Variants in WDR4 observed in about 807,000 individuals in gnomAD.
The protein encoded by WDR4 is tRNA (guanine-N(7)-)-methyltransferase non-catalytic subunit WDR4.
Under a neutral mutation model 48.6 loss-of-function variants are expected in WDR4, and 47 were observed. The observed-to-expected ratio is 0.97, with a 90% CI of 0.77 to 1.23. The LOEUF (loss-of-function observed/expected upper bound fraction) is 1.23, where lower values mean the gene tolerates loss of function less well. Among genes scored for constraint, WDR4 ranks in the 50% most tolerant of loss-of-function variants. The probability of loss-of-function intolerance (pLI) is 0.00; values close to 1 mark genes in which losing one functional copy is unlikely to be tolerated. For synonymous variants in WDR4, 268 were observed against 230.0 expected (o/e 1.17, Z -1.49); for missense variants, 606 against 551.6 (o/e 1.10, Z -0.99).
intron 4 of WDR4, among the ~76,000 whole-genome samples, chr21:42,863,174 C>G (rs978839970): frequency 1.3e-5 from 2 of 152,200 alleles, no homozygotes; most frequent in African/African-American, 4.8e-5. Context: ...TCCCACCACT[C>G]CCCTGCTCCC....
At chr21:42,879,129 G>A (rs1164960522) in intron 1 of WDR4, 2 of 1,226,698 alleles carry the variant, frequency 1.6e-6, no homozygotes, top group Non-Finnish European at 2.0e-6. Flanking sequence ...CGACCCGGCG[G>A]CGCTAACCGG....
intron 3 of WDR4, among the ~76,000 whole-genome samples, chr21:42,872,892 G>C (rs1363576375): frequency 6.6e-6 from 1 of 151,496 alleles, no homozygotes; most frequent in East Asian, 1.9e-4. Context: ...AGCAAAGATC[G>C]CGCCATTGCA....
chr21:42,889,253 G>A, the WDR4 span, among the ~76,000 whole-genome samples: 250 of 152,104 alleles, frequency 1.6e-3, no homozygotes, highest in African/African-American at 5.4e-3. Flanking sequence ...AAAGTGCTGC[G>A]ATTACAGACT....
At chr21:42,844,258 T>A (rs923475946), downstream of WDR4, among the ~76,000 whole-genome samples, 1 of 151,998 alleles carries the variant, frequency 6.6e-6, no homozygotes, top group Non-Finnish European at 1.5e-5. Context: ...CCAAATTGCA[T>A]AAAAATGACA....
downstream of WDR4, among the ~76,000 whole-genome samples, chr21:42,847,318 T>A (rs1332227506): frequency 6.6e-6 from 1 of 152,128 alleles, no homozygotes; most frequent in Non-Finnish European, 1.5e-5. Context: ...CACGCGGAGC[T>A]GGGTTCAACC....
chr21:42,887,926 AAAAAAC>A, the WDR4 span, among the ~76,000 whole-genome samples: 4 of 152,154 alleles, frequency 2.6e-5, no homozygotes, highest in South Asian at 2.1e-4. Context: ...CGTGTCAAAA[AAAAAAC>A]AAAAACAAAA....
intron 2 of WDR4, among the ~76,000 whole-genome samples, chr21:42,873,934 C>A (rs1461458058): frequency 6.6e-6 from 1 of 152,164 alleles, no homozygotes; most frequent in Non-Finnish European, 1.5e-5. Context: ...GAGAGCTAAG[C>A]TGGAAGAACC....
chr21:42,874,325 C>A (rs2058438960), intron 2 of WDR4, among the ~76,000 whole-genome samples: 1 of 152,068 alleles, frequency 6.6e-6, no homozygotes, highest in Admixed American at 6.6e-5. Flanking sequence ...TCCTGTCAGC[C>A]GAGGAGGATG....
At chr21:42,850,368 C>T (rs375525742) in intron 10 of WDR4, 126 bp from the exon 11 acceptor site, 38 of 868,866 alleles carry the variant, frequency 4.4e-5, no homozygotes, top group South Asian at 6.1e-5. Flanking sequence ...CCGTGGGGGG[C>T]GCCTTCTGGG....
chr21:42,851,809 C>T (rs1233345035), intron 10 of WDR4, among the ~76,000 whole-genome samples: 1 of 152,212 alleles, frequency 6.6e-6, no homozygotes, highest in Admixed American at 6.5e-5. Context: ...GCTCAGCCTC[C>T]TGAAGACCCC....
chr21:42,866,283 G>A (rs564956982), intron 3 of WDR4, among the ~76,000 whole-genome samples: 1 of 152,226 alleles, frequency 6.6e-6, no homozygotes, highest in South Asian at 2.1e-4. Context: ...GGAAAGAATC[G>A]TTGCTGCCCA....
chr21:42,859,557 G>A (rs1051783654), intron 6 of WDR4, 105 bp downstream of exon 6: 20 of 584,356 alleles, frequency 3.4e-5, no homozygotes, highest in Non-Finnish European at 5.2e-5. Flanking sequence ...GCCACAGCCA[G>A]CCAGGGGCCA....
At chr21:42,872,375 T>C (rs2058389743) in intron 3 of WDR4, among the ~76,000 whole-genome samples, 1 of 151,884 alleles carries the variant, frequency 6.6e-6, no homozygotes, top group African/African-American at 2.4e-5. Context: ...TTTGGGAGGC[T>C]GAGGCGGGTG....
At chr21:42,873,809 C>T (rs1018097982) in intron 2 of WDR4, 118 bp from the exon 3 acceptor site, 144 of 1,211,456 alleles carry the variant, frequency 1.2e-4, no homozygotes, top group South Asian at 2.2e-4. Context: ...AAGGGGATCA[C>T]GTAGCCAAAA....
chr21:42,867,642 T>G (rs1569329912), intron 3 of WDR4, among the ~76,000 whole-genome samples: 1 of 152,126 alleles, frequency 6.6e-6, no homozygotes, highest in Non-Finnish European at 1.5e-5. Context: ...ATCTTCCCTA[T>G]GCTCACAAAA....
At chr21:42,891,332 A>C in the WDR4 span, among the ~76,000 whole-genome samples, 1 of 152,028 alleles carries the variant, frequency 6.6e-6, no homozygotes, top group African/African-American at 2.4e-5. Context: ...TGTCTCAAAA[A>C]AAAAAAAAAA....
intron 8 of WDR4, 109 bp downstream of exon 8, chr21:42,854,453 C>A: frequency 9.0e-7 from 1 of 1,114,202 alleles, no homozygotes; most frequent in East Asian, 2.6e-5. Flanking sequence ...CCAATACCAC[C>A]ACCGTTCAGG....
the WDR4 span, among the ~76,000 whole-genome samples, chr21:42,889,598 G>A: frequency 6.6e-6 from 1 of 151,418 alleles, no homozygotes; most frequent in Non-Finnish European, 1.5e-5. Flanking sequence ...TTCCAGGGTG[G>A]CACTGCTGCC....
chr21:42,862,791 A>G lies in WDR4; in HGVS notation c.454-397T>C, dbSNP rs937803732. 5.9e-5 allele frequency among the ~76,000 whole-genome samples: 9 copies of G among 152,018 alleles called. No homozygotes were observed. Among genetic ancestry groups the G allele is most frequent in the African/African-American group, 1.9e-4 (8 of 41,368 alleles). On this transcript the variant is annotated intron_variant, in intron 4 of 10. Transcript: ENST00000398208. This position sits in a 1 kb window ranked among gnomAD's most constrained non-coding sequence, Gnocchi z 4.3. ...TCCTGTCACACATGTCCCCACACCC[A>G]TCTGTCACCAAGTCCCAGTGAGGTT...
Sources: gnomAD v4.1 joint callset for allele counts (sites outside exome capture counted in the v4.1 genomes callset) on GRCh38, gnomAD v4.1.1 for gene constraint, Gnocchi (gnomAD v3.1) non-coding constraint, MANE v1.5 for transcripts, NCBI Gene and HGNC (gene_info 2026-07-23, HGNC 2026-07-21) for gene names.